The following AGPAT3 variants were observed in gnomAD, a reference collection of about 807,000 sequenced individuals.
AGPAT3 encodes the protein 1-acyl-sn-glycerol-3-phosphate acyltransferase gamma.
Under a neutral mutation model 47.3 loss-of-function variants are expected in AGPAT3, and 5 were observed. The ratio of observed to expected loss-of-function variants is 0.11; its 90% CI spans 0.06 to 0.22. AGPAT3 has a LOEUF of 0.22. Among genes scored for constraint, AGPAT3 ranks in the 10% least tolerant of loss-of-function variants. The pLI, the probability that AGPAT3 is intolerant of heterozygous loss-of-function variation, is 1.00. For missense variants in AGPAT3, 315 were observed against 493.0 expected, an observed-to-expected ratio of 0.64 and a Z score of 3.42; for synonymous variants, 212 against 208.3, an observed-to-expected ratio of 1.02 and a Z score of -0.15.
intron 2 of AGPAT3, among the ~76,000 whole-genome samples, chr21:43,925,640 G>A (rs750967453): frequency 3.3e-5 from 5 of 152,268 alleles, no homozygotes; most frequent in Middle Eastern, 3.4e-3. Context: ...CAGCCCCAGC[G>A]CCTCCAGCTC....
intron 1 of AGPAT3, among the ~76,000 whole-genome samples, chr21:43,877,869 C>G (rs950618679): frequency 6.6e-6 from 1 of 152,128 alleles, no homozygotes; most frequent in African/African-American, 2.4e-5. Flanking sequence ...GGACAGAAAC[C>G]TGGGCCCCAT....
rs1366869255 is a variant in AGPAT3, at chr21:43,920,916, G to A, written c.-49+16897G>A. 6.6e-6 allele frequency among the ~76,000 whole-genome samples: 1 copy of A among 152,044 alleles called. No individual in the cohort carries two copies. The highest frequency in any genetic ancestry group is 1.9e-4 in the East Asian group (1 of 5,186). On this transcript the variant is annotated intron_variant, in intron 2 of 9. Transcript: ENST00000291572. The surrounding 1 kb of genome is among the most constrained non-coding windows in gnomAD (Gnocchi z 6.1). ...TGAGGCGGGCAGATCACGAGGTCAG[G>A]AGATCAAGACCACGGTGAAACCCCA...
At chr21:43,889,946 G>A (rs1160844865) in intron 1 of AGPAT3, among the ~76,000 whole-genome samples, 1 of 152,136 alleles carries the variant, frequency 6.6e-6, no homozygotes, top group Non-Finnish European at 1.5e-5. Flanking sequence ...TTTTGGATCT[G>A]TGTCCCTAAA....
intron 1 of AGPAT3, among the ~76,000 whole-genome samples, chr21:43,897,491 C>T (rs1601245008): frequency 6.6e-6 from 1 of 151,378 alleles, no homozygotes; most frequent in African/African-American, 2.4e-5. Flanking sequence ...GTTAGGCACA[C>T]CTGCAGAAGG....
At chr21:43,906,234 A>C (rs1601269510) in intron 2 of AGPAT3, among the ~76,000 whole-genome samples, 2 of 152,284 alleles carry the variant, frequency 1.3e-5, no homozygotes, top group South Asian at 4.1e-4. Flanking sequence ...GATATTCACC[A>C]AACCGGGTGA....
intron 1 of AGPAT3, among the ~76,000 whole-genome samples, chr21:43,895,896 A>G (rs2086205048): frequency 6.6e-6 from 1 of 152,152 alleles, no homozygotes; most frequent in South Asian, 2.1e-4. Flanking sequence ...CCTCCCAAGT[A>G]GCTGGGATTA....
chr21:43,885,398 T>C (rs910313116), intron 1 of AGPAT3, among the ~76,000 whole-genome samples: 1 of 151,468 alleles, frequency 6.6e-6, no homozygotes, highest in Non-Finnish European at 1.5e-5. Flanking sequence ...TTTCTTTTTT[T>C]TTTTTTTTGA....
rs2087578391 is a variant in AGPAT3 at position 43,939,511 on chromosome 21, C to T, written c.-48-20123C>T. On this transcript the variant is annotated intron_variant, in intron 2 of 9. Coordinates refer to ENST00000291572, the MANE Select transcript of AGPAT3 (RefSeq NM_020132.5). This position sits in a 1 kb window ranked among gnomAD's most constrained non-coding sequence, Gnocchi z 4.4. ...AGAGGCGGCCCACCCCACAGCTCTT[C>T]CAGCGTGGGAGCTCTGAACATGGGA... Among the ~76,000 whole-genome samples, 1 of 152,214 alleles carries T rather than the reference C, an allele frequency of 6.6e-6. No individual in the cohort carries two copies. The highest frequency in any genetic ancestry group is 1.5e-5 in the Non-Finnish European group (1 of 68,038).
At chr21:43,879,629 C>T (rs2085811314) in intron 1 of AGPAT3, among the ~76,000 whole-genome samples, 1 of 152,038 alleles carries the variant, frequency 6.6e-6, no homozygotes, top group African/African-American at 2.4e-5. Context: ...TGTTCTCCTT[C>T]AGCAGTTTGT....
chr21:43,896,270 T>C (rs1029603118), intron 1 of AGPAT3, among the ~76,000 whole-genome samples: 19 of 152,234 alleles, frequency 1.2e-4, no homozygotes, highest in African/African-American at 3.6e-4. Flanking sequence ...TACTTTTTTT[T>C]CCCCTCGTTT....
At chr21:43,902,432 A>G (rs1175689524) in intron 1 of AGPAT3, among the ~76,000 whole-genome samples, 1 of 152,252 alleles carries the variant, frequency 6.6e-6, no homozygotes, top group African/African-American at 2.4e-5. Flanking sequence ...GCTGCTATAA[A>G]AAAAGTTAAC....
chr21:43,871,826 C>T (rs962348886), intron 1 of AGPAT3, among the ~76,000 whole-genome samples: 4 of 152,068 alleles, frequency 2.6e-5, no homozygotes, highest in Admixed American at 2.0e-4. Flanking sequence ...GTAATGTGTG[C>T]ATTATATATT....
intron 2 of AGPAT3, among the ~76,000 whole-genome samples, chr21:43,944,584 C>T (rs1474408916): frequency 6.6e-6 from 1 of 152,196 alleles, no homozygotes; most frequent in Non-Finnish European, 1.5e-5. Context: ...AGGCTTGTTC[C>T]CCAGAAAAGC....
intron 2 of AGPAT3, among the ~76,000 whole-genome samples, chr21:43,909,216 A>G (rs2086572106): frequency 6.6e-6 from 1 of 152,078 alleles, no homozygotes; most frequent in African/African-American, 2.4e-5. Context: ...CTCGGAAGCT[A>G]CAGGCCCCTC....
rs1448418163 is a variant in AGPAT3 at position 43,954,796 on chromosome 21, A to C, written c.-48-4838A>C. On this transcript the variant is annotated intron_variant, in intron 2 of 9. Coordinates refer to ENST00000291572, the MANE Select transcript of AGPAT3 (RefSeq NM_020132.5). The surrounding 1 kb of genome is among the most constrained non-coding windows in gnomAD (Gnocchi z 4.0). ...ACTGCCGCAGAGACTTCCTTTGAGG[A>C]GAGCTGGACCCAAGACGCCAGAGTT... 6.3e-6 allele frequency: 1 copy of C among 157,802 alleles called. No individual in the cohort carries two copies. The highest frequency in any genetic ancestry group is 1.9e-4 in the East Asian group (1 of 5,248). 9.8% of individuals were successfully genotyped at this position (157,802 alleles called of 1,614,324 possible).
chr21:43,885,180 C>T (rs903125590), intron 1 of AGPAT3, among the ~76,000 whole-genome samples: 1 of 152,194 alleles, frequency 6.6e-6, no homozygotes, highest in Non-Finnish European at 1.5e-5. Flanking sequence ...CAACTGCAGC[C>T]CCTCTGGTAG....
intron 3 of AGPAT3, among the ~76,000 whole-genome samples, chr21:43,962,718 G>A (rs900411341): frequency 1.3e-5 from 2 of 152,230 alleles, no homozygotes; most frequent in East Asian, 1.9e-4. Flanking sequence ...ACTCTTGAGC[G>A]AGGGCGCGAG....
At chr21:43,882,739 C>A (rs1051246244) in intron 1 of AGPAT3, 1 of 152,342 alleles carries the variant, frequency 6.6e-6, no homozygotes, top group Non-Finnish European at 1.5e-5. Context: ...CCGTGAGACT[C>A]AACTGGGTCA....
At chr21:43,943,085 T>G (rs1242161288) in intron 2 of AGPAT3, among the ~76,000 whole-genome samples, 1 of 151,902 alleles carries the variant, frequency 6.6e-6, no homozygotes, top group Non-Finnish European at 1.5e-5. Flanking sequence ...TTTTTTTTGG[T>G]GGGGGGCGGG....
Sources: gnomAD v4.1 joint callset for allele counts (sites outside exome capture counted in the v4.1 genomes callset) on GRCh38, gnomAD v4.1.1 for gene constraint, Gnocchi (gnomAD v3.1) non-coding constraint, MANE v1.5 for transcripts, NCBI Gene and HGNC (gene_info 2026-07-23, HGNC 2026-07-21) for gene names.